The following ZBTB38 variants were observed in gnomAD, a reference collection of about 807,000 sequenced individuals.
ZBTB38 encodes the protein zinc finger and BTB domain containing 38.
A neutral mutation model predicts 76.8 loss-of-function variants in ZBTB38; 20 were observed. That is an observed-to-expected ratio of 0.26 (90% CI 0.18 to 0.38). ZBTB38 has a LOEUF of 0.38. ZBTB38 is among the 10% of genes least tolerant of loss of function. The pLI is 1.00. For missense variants in ZBTB38, 1,082 were observed against 1,482.3 expected, an observed-to-expected ratio of 0.73 and a Z score of 4.43; for synonymous variants, 504 against 544.2, an observed-to-expected ratio of 0.93 and a Z score of 1.03.
chr3:141,389,008 T>C (rs1051931164), intron 4 of ZBTB38: 7 of 152,244 alleles, frequency 4.6e-5, no homozygotes, highest in Non-Finnish European at 8.8e-5. Context: ...AAAATGCTTG[T>C]ACTCTTGCCT....
upstream of ZBTB38, chr3:141,368,455 T>G (rs1413952039): frequency 6.6e-6 from 1 of 151,854 alleles, no homozygotes; most frequent in Non-Finnish European, 1.5e-5. Context: ...GGCCTGGCCC[T>G]GACGTCACCC....
Position 141,445,817 on chromosome 3 carries a change from C to T in ZBTB38, c.3429C>T (p.His1143=). The change falls in exon 6 of 6, where the codon CAC becomes CAT. Residue 1143 remains histidine (H), a synonymous_variant. Coordinates refer to ENST00000321464, the MANE Select transcript of ZBTB38 (RefSeq NM_001376113.1). This position sits in a 1 kb window ranked among gnomAD's most constrained non-coding sequence, Gnocchi z 6.5. ...ICKTAAALGM[H]QKKHLFKSPS... ...AAACAGCTGCTGCCCTTGGAATGCA[C>T]CAAAAGAAACACTTATTCAAAAGCC... 6.2e-7 allele frequency: 1 copy of T among 1,614,148 alleles called. No individual in the cohort carries two copies. Among genetic ancestry groups the T allele is most frequent in the Non-Finnish European group, 8.5e-7 (1 of 1,180,032 alleles).
At chr3:141,381,110 C>T (rs752528035) in intron 2 of ZBTB38, among the ~76,000 whole-genome samples, 9 of 152,136 alleles carry the variant, frequency 5.9e-5, no homozygotes, top group Non-Finnish European at 7.3e-5. Flanking sequence ...CCATCTGGTG[C>T]GTGACAAGCA....
intron 5 of ZBTB38, among the ~76,000 whole-genome samples, chr3:141,436,808 A>AT (rs2078918962): frequency 6.6e-6 from 1 of 152,084 alleles, no homozygotes; most frequent in South Asian, 2.1e-4. Flanking sequence ...AGCTATCTTG[A>AT]TTTTTATGTT....
chr3:141,418,136 G>T (rs1028276826), intron 5 of ZBTB38, among the ~76,000 whole-genome samples: 2 of 152,206 alleles, frequency 1.3e-5, no homozygotes, highest in Non-Finnish European at 2.9e-5. Context: ...GGCGATTTCA[G>T]TATGTAGTTA....
rs530133824 is a variant in ZBTB38, at chr3:141,445,127, C to T, written c.2739C>T (p.Asp913=). The change falls in exon 6 of 6, where the codon GAC becomes GAT. Residue 913 remains aspartate, a synonymous_variant. Coordinates refer to ENST00000321464, the MANE Select transcript of ZBTB38 (RefSeq NM_001376113.1). This position sits in a 1 kb window ranked among gnomAD's most constrained non-coding sequence, Gnocchi z 6.5. Reference sequence around the variant, plus strand: ...ACGCAAGTGACCAGGATTCCACTGACAAACCGTGGCGCCCTTACTACAACT... The same window carrying T: ...ACGCAAGTGACCAGGATTCCACTGATAAACCGTGGCGCCCTTACTACAACT... ...FDDASDQDST[D]KPWRPYYNYK... is the part of the protein sequence containing the mutation. The T allele has an allele frequency of 1.5e-5, 24 of 1,614,074 alleles. No individual in the cohort carries two copies. In the South Asian group the frequency reaches 2.5e-4, roughly 17 times the overall value.
chr3:141,439,871 CA>C (rs1203009081), intron 5 of ZBTB38, among the ~76,000 whole-genome samples: 1 of 152,074 alleles, frequency 6.6e-6, no homozygotes. Flanking sequence ...ATATATGAGT[CA>C]GGGGAGAAAG....
intron 2 of ZBTB38, among the ~76,000 whole-genome samples, chr3:141,375,833 C>T (rs891782614): frequency 1.3e-5 from 2 of 152,136 alleles, no homozygotes; most frequent in Non-Finnish European, 2.9e-5. Flanking sequence ...GGGGAGGTAC[C>T]TGCCCCAAGC....
At chr3:141,402,523 C>G (rs1952500231) in intron 4 of ZBTB38, 1 of 149,274 alleles carries the variant, frequency 6.7e-6, no homozygotes, top group Non-Finnish European at 1.5e-5. Flanking sequence ...GGCGCGGCGC[C>G]CGTGGCGCCG....
chr3:141,362,685 G>A (rs1339372304), intron 1 of ZBTB38, among the ~76,000 whole-genome samples: 5 of 152,166 alleles, frequency 3.3e-5, no homozygotes, highest in African/African-American at 1.2e-4. Flanking sequence ...GGCTGATTAG[G>A]ACTGGAGAAA....
intron 5 of ZBTB38, among the ~76,000 whole-genome samples, chr3:141,417,582 T>C (rs527584324): frequency 6.6e-6 from 1 of 152,324 alleles, no homozygotes; most frequent in Admixed American, 6.5e-5. Flanking sequence ...ACCTGTCTCT[T>C]TGCCTTCTTT....
At position 141,406,356 on chromosome 3, in the gene ZBTB38, A is replaced by G. The variant is rs545602755; in HGVS notation, c.-1+2325A>G. On this transcript the variant is annotated intron_variant, in intron 5 of 5. Transcript: ENST00000321464. Reference sequence around the variant, plus strand: ...AAAAGAGGGGCAGAAAAGGCCTGAAATGGATGATAACAATGAAATGGGAAA... The same window carrying G: ...AAAAGAGGGGCAGAAAAGGCCTGAAGTGGATGATAACAATGAAATGGGAAA... Among the ~76,000 whole-genome samples, 11 of 152,334 alleles carry G rather than the reference A, an allele frequency of 7.2e-5. 1 individual carries two copies. In the South Asian group the frequency reaches 2.3e-3, roughly 32 times the overall value.
intron 4 of ZBTB38, chr3:141,402,791 C>A (rs1952726341): frequency 6.6e-6 from 1 of 152,202 alleles, no homozygotes; most frequent in Non-Finnish European, 1.5e-5. Context: ...AGGAGGAATG[C>A]GCTCCCGGGG....
Position 141,444,306 on chromosome 3 carries a change from G to A in ZBTB38, c.1918G>A (p.Asp640Asn), listed in dbSNP as rs760416818. The change falls in exon 6 of 6, where the codon GAC (aspartate) becomes AAC (asparagine). Residue 640 changes from aspartate (D) to asparagine (N), a missense_variant. Transcript: ENST00000321464. This position sits in a 1 kb window ranked among gnomAD's most constrained non-coding sequence, Gnocchi z 5.1. ...CCCATTGGAAACATCTGCATGTCAG[G>A]ACATACCCACTTCTGCCAATGTACA... ...AIPLETSACQ[D>N]IPTSANVQNA... 1 of 1,614,050 alleles carries A rather than the reference G, an allele frequency of 6.2e-7. No individual in the cohort carries two copies. The highest frequency in any genetic ancestry group is 8.5e-7 in the Non-Finnish European group (1 of 1,180,052).
chr3:141,395,246 G>A (rs1199057883), intron 4 of ZBTB38, among the ~76,000 whole-genome samples: 1 of 152,192 alleles, frequency 6.6e-6, no homozygotes, highest in Non-Finnish European at 1.5e-5. Flanking sequence ...AATACAAAAA[G>A]CAGATTGGTT....
intron 1 of ZBTB38, among the ~76,000 whole-genome samples, chr3:141,339,012 C>T (rs536742870): frequency 3.9e-5 from 6 of 152,032 alleles, no homozygotes; most frequent in African/African-American, 1.2e-4. Flanking sequence ...TGCAGAAGGG[C>T]CTTTTTAGAA....
At chr3:141,426,091 G>A in intron 5 of ZBTB38, 2 of 1,254,200 alleles carry the variant, frequency 1.6e-6, no homozygotes, top group Non-Finnish European at 2.1e-6. Flanking sequence ...CATTTGTTTG[G>A]AGTATGGGCA....
upstream of ZBTB38, among the ~76,000 whole-genome samples, chr3:141,364,676 T>TAAAAAAAAAAAAA (rs59398877): frequency 2.3e-5 from 1 of 43,440 alleles, no homozygotes. Context: ...AAACTACATC[T>TAAAAAAAAAAAAA]AAAAAAAAAA....
intron 1 of ZBTB38, among the ~76,000 whole-genome samples, chr3:141,362,670 A>G (rs1315803878): frequency 6.6e-6 from 1 of 152,066 alleles, no homozygotes; most frequent in East Asian, 1.9e-4. Context: ...GAAGGACCAG[A>G]GGAAGGCTGA....
Sources: gnomAD v4.1 joint callset for allele counts (sites outside exome capture counted in the v4.1 genomes callset) on GRCh38, gnomAD v4.1.1 for gene constraint, Gnocchi (gnomAD v3.1) non-coding constraint, MANE v1.5 for transcripts, NCBI Gene and HGNC (gene_info 2026-07-23, HGNC 2026-07-21) for gene names.